Variants in IHO1 observed in about 807,000 individuals in gnomAD.
The protein encoded by IHO1 is interactor of HORMAD1 protein 1.
A neutral mutation model predicts 31.0 loss-of-function variants in IHO1; 13 were observed. That is an observed-to-expected ratio of 0.42 (90% confidence interval 0.27 to 0.67). The LOEUF (loss-of-function observed/expected upper bound fraction) is 0.67, where lower values mean the gene tolerates loss of function less well. Among genes scored for constraint, IHO1 ranks in the 30% least tolerant of loss-of-function variants. The pLI is 0.24. For synonymous variants in IHO1, 221 were observed against 248.4 expected (o/e 0.89, Z 1.04); for missense variants, 599 against 687.5 (o/e 0.87, Z 1.44).
chr3:49,197,222 C>G (rs2046004469), upstream of IHO1, among the ~76,000 whole-genome samples: 1 of 150,634 alleles, frequency 6.6e-6, no homozygotes, highest in Admixed American at 6.6e-5. Flanking sequence ...AATCTCCTGA[C>G]CTCGTGATCT....
At position 49,231,640 on chromosome 3, in the gene IHO1, A is replaced by G. The variant is rs190784677; in HGVS notation, c.57-4908A>G. 9.2e-5 allele frequency among the ~76,000 whole-genome samples: 14 copies of G among 152,366 alleles called. No individual in the cohort carries two copies. In the South Asian group the frequency reaches 1.9e-3, roughly 20 times the overall value. ...AACAACTGATGACTTCATTTGCCCAATTGCAAACAGCAGTTAGGAGTAGAA... is the reference window on the plus strand; with the variant it reads ...AACAACTGATGACTTCATTTGCCCAGTTGCAAACAGCAGTTAGGAGTAGAA... On this transcript the variant is annotated intron_variant, in intron 2 of 7. Transcript: ENST00000452691.
At chr3:49,231,959 G>A (rs920666776) in intron 2 of IHO1, among the ~76,000 whole-genome samples, 8 of 152,338 alleles carry the variant, frequency 5.3e-5, no homozygotes, top group Admixed American at 2.0e-4. Context: ...GCAAATGGAT[G>A]TCACACATGT....
At chr3:49,194,614 G>A (rs1307780097), upstream of IHO1, among the ~76,000 whole-genome samples, 1 of 147,510 alleles carries the variant, frequency 6.8e-6, no homozygotes, top group Non-Finnish European at 1.5e-5. Context: ...TTATAAAATC[G>A]GCATGGCATG....
the IHO1 span, chr3:49,191,785 G>A: frequency 1.2e-5 from 18 of 1,551,088 alleles, no homozygotes; most frequent in Non-Finnish European, 1.5e-5. Context: ...TCCAAGAAGG[G>A]AGCAGAAAAG....
chr3:49,221,347 A>G (rs1486737166), intron 2 of IHO1, among the ~76,000 whole-genome samples: 1 of 151,964 alleles, frequency 6.6e-6, no homozygotes, highest in Non-Finnish European at 1.5e-5. Flanking sequence ...TTAGCTATAC[A>G]CATAGTGCTG....
rs13434338 is a variant in IHO1, at chr3:49,201,687, C to T, written c.-16+2114C>T. Among the ~76,000 whole-genome samples, 314 of 152,086 alleles carry T rather than the reference C, an allele frequency of 2.1e-3. 1 individual carries two copies. Among genetic ancestry groups the T allele is most frequent in the African/African-American group, 7.3e-3 (302 of 41,498 alleles). On this transcript the variant is annotated intron_variant, in intron 1 of 7. Transcript: ENST00000452691. ...ATCACAGCACTTTGGGAAGCCGAGG[C>T]GGGTGAATCACTTGAGCTCAGGAGC...
At chr3:49,218,491 C>T (rs1439572171) in intron 2 of IHO1, among the ~76,000 whole-genome samples, 1 of 143,552 alleles carries the variant, frequency 7.0e-6, no homozygotes, top group Non-Finnish European at 1.5e-5. Context: ...TAGTGATTCT[C>T]TTGCCTCAGA....
chr3:49,237,887 CTTTTTTTTTTTT>C (rs574951773), intron 3 of IHO1, among the ~76,000 whole-genome samples: 23 of 51,440 alleles, frequency 4.5e-4, no homozygotes, highest in Admixed American at 1.0e-3. Context: ...CTGTCTTTTC[CTTTTTTTTTTTT>C]TTTTTTTTTT....
At chr3:49,208,305 C>G (rs2046166683) in intron 1 of IHO1, among the ~76,000 whole-genome samples, 1 of 152,196 alleles carries the variant, frequency 6.6e-6, no homozygotes, top group South Asian at 2.1e-4. Context: ...AACCAGGCCA[C>G]ACAGCAGGAG....
intron 6 of IHO1, among the ~76,000 whole-genome samples, chr3:49,246,451 C>T (rs999532670): frequency 6.6e-6 from 1 of 151,986 alleles, no homozygotes. Flanking sequence ...TCGAGACCAG[C>T]CTGGCCAAAA....
chr3:49,223,504 A>C (rs1436012220), intron 2 of IHO1, among the ~76,000 whole-genome samples: 1 of 152,142 alleles, frequency 6.6e-6, no homozygotes, highest in Non-Finnish European at 1.5e-5. Flanking sequence ...ATCCTGGCTA[A>C]CACGGTGAAA....
intron 1 of IHO1, among the ~76,000 whole-genome samples, chr3:49,206,222 C>G (rs1232865484): frequency 1.3e-5 from 2 of 152,014 alleles, no homozygotes; most frequent in African/African-American, 4.8e-5. Flanking sequence ...CCTCGGCCTC[C>G]CAAAGTGCTG....
chr3:49,208,900 C>T (rs1053525195), intron 1 of IHO1, among the ~76,000 whole-genome samples: 2 of 152,150 alleles, frequency 1.3e-5, no homozygotes, highest in African/African-American at 4.8e-5. Flanking sequence ...TGGAAAACTC[C>T]ATACTTCATA....
At chr3:49,194,523 C>A (rs1394697171), upstream of IHO1, among the ~76,000 whole-genome samples, 1 of 146,914 alleles carries the variant, frequency 6.8e-6, no homozygotes, top group East Asian at 2.1e-4. Context: ...GATCTCCTGA[C>A]CTCGTGATCC....
At chr3:49,195,151 G>T (rs2045989643), upstream of IHO1, among the ~76,000 whole-genome samples, 1 of 152,204 alleles carries the variant, frequency 6.6e-6, no homozygotes, top group Non-Finnish European at 1.5e-5. Flanking sequence ...TGGCTGCAGT[G>T]GCTCTTGCCT....
intron 1 of IHO1, among the ~76,000 whole-genome samples, chr3:49,201,003 G>T (rs200644516): frequency 2.7e-5 from 4 of 149,698 alleles, no homozygotes; most frequent in Admixed American, 1.3e-4. Context: ...ACAGTTTTTT[G>T]TTTTTTTTGA....
intron 7 of IHO1, among the ~76,000 whole-genome samples, chr3:49,255,740 G>A (rs554402435): frequency 2.0e-5 from 3 of 151,836 alleles, no homozygotes; most frequent in African/African-American, 4.8e-5. Flanking sequence ...TAGTAGAGAG[G>A]GGGTTTTTCA....
intron 6 of IHO1, among the ~76,000 whole-genome samples, chr3:49,253,828 C>CTTTT (rs139087366): frequency 1.7e-4 from 12 of 72,222 alleles, no homozygotes; most frequent in Non-Finnish European, 2.7e-4. Context: ...CTTTATTTGT[C>CTTTT]TTTTTTTTTT....
chr3:49,225,121 G>A (rs1457478056), intron 2 of IHO1, among the ~76,000 whole-genome samples: 3 of 152,098 alleles, frequency 2.0e-5, no homozygotes, highest in South Asian at 2.1e-4. Context: ...GTTGTCCTGC[G>A]GGTCTGAGTA....
Sources: gnomAD v4.1 joint callset for allele counts (sites outside exome capture counted in the v4.1 genomes callset) on GRCh38, gnomAD v4.1.1 for gene constraint, MANE v1.5 for transcripts, NCBI Gene and HGNC (gene_info 2026-07-23, HGNC 2026-07-21) for gene names.